CACNA1A: variants seen among roughly 807,000 people sequenced by gnomAD.
CACNA1A encodes the protein calcium voltage-gated channel subunit alpha1 A.
CACNA1A carries 57 observed loss-of-function variants against 262.4 expected under a neutral mutation model. The ratio of observed to expected loss-of-function variants is 0.22; its 90% confidence interval spans 0.18 to 0.27. CACNA1A has a LOEUF of 0.27. CACNA1A is among the 10% of genes least tolerant of loss of function. The pLI, the probability that CACNA1A is intolerant of heterozygous loss-of-function variation, is 1.00. For synonymous variants in CACNA1A, 1,431 were observed against 1,419.3 expected (o/e 1.01, Z -0.18); for missense variants, 2,526 against 3,562.8 (o/e 0.71, Z 7.41).
chr19:13,498,821 T>A (rs192740116), intron 1 of CACNA1A, among the ~76,000 whole-genome samples: 2 of 152,278 alleles, frequency 1.3e-5, no homozygotes, highest in East Asian at 3.9e-4. Context: ...TGTTAAGAAC[T>A]CACCATTAGG....
intron 1 of CACNA1A, among the ~76,000 whole-genome samples, chr19:13,494,297 C>T (rs949596564): frequency 6.6e-6 from 1 of 152,028 alleles, no homozygotes; most frequent in Admixed American, 6.5e-5. Context: ...CTTTTTTGTA[C>T]ATGAGATGTT....
At chr19:13,459,466 T>C (rs2061074877) in intron 1 of CACNA1A, among the ~76,000 whole-genome samples, 1 of 152,076 alleles carries the variant, frequency 6.6e-6, no homozygotes, top group Non-Finnish European at 1.5e-5. Flanking sequence ...TCAGGGCAAT[T>C]TGGGGAGCCA....
intron 3 of CACNA1A, among the ~76,000 whole-genome samples, chr19:13,415,203 C>T (rs2060199299): frequency 1.3e-5 from 2 of 151,754 alleles, no homozygotes; most frequent in African/African-American, 4.8e-5. Context: ...TGTCTTCCTC[C>T]GAGACAGAGA....
At chr19:13,396,490 T>C (rs2059813892) in intron 3 of CACNA1A, among the ~76,000 whole-genome samples, 1 of 152,212 alleles carries the variant, frequency 6.6e-6, no homozygotes, top group Non-Finnish European at 1.5e-5. Flanking sequence ...ATGATGGAAA[T>C]GTTCTATTCT....
chr19:13,297,294 T>C (rs2057683856), intron 19 of CACNA1A, among the ~76,000 whole-genome samples: 3 of 152,166 alleles, frequency 2.0e-5, no homozygotes, highest in Admixed American at 2.0e-4. Context: ...GGGCTTCTCT[T>C]AATAGTTTCC....
chr19:13,283,494 T>C, intron 21 of CACNA1A, 98 bp from the exon 22 acceptor site: 1 of 1,480,802 alleles, frequency 6.8e-7, no homozygotes, highest in Non-Finnish European at 9.2e-7. Context: ...TACTGAGATC[T>C]CCAACCCCCA....
chr19:13,227,635 AAAG>A, intron 36 of CACNA1A, 108 bp from the exon 37 acceptor site: 1 of 451,936 alleles, frequency 2.2e-6, no homozygotes, highest in Non-Finnish European at 3.9e-6. Context: ...AAGAAAGAAA[AAAG>A]AAATCCACAC....
chr19:13,406,473 A>T (rs866142861), intron 3 of CACNA1A, among the ~76,000 whole-genome samples: 2 of 69,284 alleles, frequency 2.9e-5, no homozygotes, highest in African/African-American at 1.5e-4. Flanking sequence ...AATTATATAT[A>T]TATATATATA....
chr19:13,209,570 A>T, intron 44 of CACNA1A, 72 bp from the exon 45 acceptor site: 3 of 1,161,078 alleles, frequency 2.6e-6, no homozygotes, highest in Non-Finnish European at 3.3e-6. Context: ...TTCCTGCCCC[A>T]TTGTGGCAGC....
At chr19:13,478,364 C>T (rs1275377893) in intron 1 of CACNA1A, among the ~76,000 whole-genome samples, 1 of 152,174 alleles carries the variant, frequency 6.6e-6, no homozygotes, top group Non-Finnish European at 1.5e-5. Flanking sequence ...CTCTATCGCC[C>T]AGCCTGGAGT....
intron 5 of CACNA1A, chr19:13,363,561 C>T (rs2144513195): frequency 6.6e-6 from 1 of 151,998 alleles, no homozygotes; most frequent in East Asian, 1.9e-4. Context: ...AATAAACCTT[C>T]CCCAGTGGGT....
chr19:13,421,240 G>A (rs1028994926), intron 3 of CACNA1A, among the ~76,000 whole-genome samples: 1 of 152,170 alleles, frequency 6.6e-6, no homozygotes, highest in Non-Finnish European at 1.5e-5. Context: ...TTATAGGAGA[G>A]AAATTATTTT....
chr19:13,348,341 TGAG>T (rs1232411106), intron 6 of CACNA1A, among the ~76,000 whole-genome samples: 1 of 148,022 alleles, frequency 6.8e-6, no homozygotes, highest in Non-Finnish European at 1.5e-5. Context: ...CAAAGAAGGG[TGAG>T]GAGAAGGGAG....
chr19:13,324,007 GAATGGATA>G (rs2058305888), intron 10 of CACNA1A, among the ~76,000 whole-genome samples: 1 of 152,176 alleles, frequency 6.6e-6, no homozygotes. Context: ...CACAATGGAT[GAATGGATA>G]AAGAAAATGT....
intron 31 of CACNA1A, among the ~76,000 whole-genome samples, chr19:13,239,566 T>C (rs1027758801): frequency 6.6e-6 from 1 of 152,184 alleles, no homozygotes; most frequent in Non-Finnish European, 1.5e-5. Context: ...GGTGGGTGAA[T>C]GCATGTGTAT....
chr19:13,317,384 G>C (rs1399911563), intron 10 of CACNA1A, 63 bp from the exon 11 acceptor site: 1 of 1,369,684 alleles, frequency 7.3e-7, no homozygotes, highest in Admixed American at 1.9e-5. Flanking sequence ...ATTAACCAAT[G>C]TGCAGCCCAA....
intron 10 of CACNA1A, among the ~76,000 whole-genome samples, chr19:13,321,656 TTG>T (rs58031467): frequency 0.2 from 30,329 of 151,908 alleles, 3,707 homozygotes; most frequent in East Asian, 0.36. Flanking sequence ...ATCATAGTAT[TTG>T]TGTGTCTGAA....
chr19:13,505,683 G>A (rs1202102915), intron 1 of CACNA1A, among the ~76,000 whole-genome samples: 2 of 151,518 alleles, frequency 1.3e-5, no homozygotes, highest in Admixed American at 1.3e-4. Flanking sequence ...CCTTGGGAAG[G>A]ATCCACTCTC....
intron 40 of CACNA1A, among the ~76,000 whole-genome samples, chr19:13,213,348 A>G (rs1451342200): frequency 2.6e-5 from 4 of 151,676 alleles, no homozygotes; most frequent in Admixed American, 1.3e-4. Flanking sequence ...CTCACATGTC[A>G]CTTTCTCAGG....
Sources: allele counts gnomAD v4.1 joint callset (sites outside exome capture counted in the v4.1 genomes callset), GRCh38; gene constraint gnomAD v4.1.1; transcripts MANE v1.5; gene names NCBI Gene and HGNC (gene_info 2026-07-23, HGNC 2026-07-21).